OR7A10: variants seen among roughly 807,000 people sequenced by gnomAD.
The protein encoded by OR7A10 is olfactory receptor 7A10.
For synonymous variants in OR7A10, 144 were observed against 144.5 expected (o/e 1.00, Z 0.02); for missense variants, 358 against 370.1 (o/e 0.97, Z 0.27).
intron 1 of OR7A10, among the ~76,000 whole-genome samples, chr19:14,842,593 A>G (rs2044921219): frequency 6.6e-6 from 1 of 152,152 alleles, no homozygotes; most frequent in Admixed American, 6.5e-5. Flanking sequence ...TTTAGCTCCC[A>G]ATTATTAGTA....
At chr19:14,847,689 T>A (rs1490708898) in intron 1 of OR7A10, among the ~76,000 whole-genome samples, 2 of 152,048 alleles carry the variant, frequency 1.3e-5, no homozygotes, top group East Asian at 3.9e-4. Context: ...TTGTTTTTTG[T>A]ATTTTTAGTA....
chr19:14,840,568 A>G lies in OR7A10; in HGVS notation c.*380T>C, dbSNP rs139057573. 45 of 162,922 alleles carry G rather than the reference A, an allele frequency of 2.8e-4. No individual in the cohort carries two copies. The highest frequency in any genetic ancestry group is 5.4e-4 in the Non-Finnish European group (40 of 74,640). 10.1% of individuals were successfully genotyped at this position (162,922 alleles called of 1,614,324 possible). ...ATATTTGTAGGCAGCACTGGAAAAC[A>G]TTAGGCAGAAGTAGCAGAGTGATGC... On this transcript the variant is annotated 3_prime_UTR_variant, in exon 2 of 2. Coordinates refer to ENST00000641129, the MANE Select transcript of OR7A10 (RefSeq NM_001005190.2).
At position 14,841,695 on chromosome 19, in the gene OR7A10, G is replaced by A. The variant is rs1371063382; in HGVS notation, c.183C>T (p.Phe61=). ...CTACGAAGGACAGGTTGGAGAGGAA[G>A]AAGTACATGGGGGTGTGGAGGTGGG... ...SDSHLHTPMY[F]FLSNLSFVDI... is the part of the protein sequence containing the mutation. Residue 61 remains phenylalanine, a synonymous_variant, in exon 2 of 2, where the codon TTC becomes TTT. Transcript: ENST00000641129. 4 of 1,614,194 alleles carry A rather than the reference G, an allele frequency of 2.5e-6. No individual in the cohort carries two copies. The highest frequency in any genetic ancestry group is 3.4e-6 in the Non-Finnish European group (4 of 1,180,040).
intron 1 of OR7A10, among the ~76,000 whole-genome samples, chr19:14,845,236 A>G (rs907536514): frequency 3.9e-5 from 6 of 151,926 alleles, no homozygotes; most frequent in Non-Finnish European, 7.4e-5. Context: ...GCACTTTGGG[A>G]GGCTGAGGCA....
intron 1 of OR7A10, among the ~76,000 whole-genome samples, chr19:14,843,965 G>T (rs1007710845): frequency 3.9e-5 from 6 of 152,050 alleles, no homozygotes; most frequent in Non-Finnish European, 5.9e-5. Context: ...AATGCATGCG[G>T]GGCTTAAAAC....
intron 1 of OR7A10, among the ~76,000 whole-genome samples, chr19:14,844,820 AC>A (rs2044933695): frequency 6.7e-6 from 1 of 150,060 alleles, no homozygotes; most frequent in African/African-American, 2.4e-5. Context: ...CTGCTACCAC[AC>A]CCGGCTAATT....
chr19:14,842,726 A>G (rs2044921972), intron 1 of OR7A10, among the ~76,000 whole-genome samples: 1 of 152,182 alleles, frequency 6.6e-6, no homozygotes, highest in South Asian at 2.1e-4. Context: ...GTAATATTCC[A>G]TGGTATATAT....
rs374423086 is a variant in OR7A10 at position 14,842,149 on chromosome 19, T to C, written c.-12-260A>G. The stretch of plus-strand genomic sequence containing the variant: ...CAGGTAACATGTCATGGGGGTTTAG[T>C]GTATAGGTTATTTCAATACCCAGTA... On this transcript the variant is annotated intron_variant, in intron 1 of 1. Coordinates refer to ENST00000641129, the MANE Select transcript of OR7A10 (RefSeq NM_001005190.2). Among the ~76,000 whole-genome samples the C allele has an allele frequency of 1.3e-5, 2 of 152,252 alleles. 1 individual carries two copies. The highest frequency in any genetic ancestry group is 4.1e-4 in the South Asian group (2 of 4,832).
chr19:14,841,350 A>G lies in OR7A10; in HGVS notation c.528T>C (p.His176=). Residue 176 remains histidine, a synonymous_variant, in exon 2 of 2, where the codon CAT becomes CAC. Transcript: ENST00000641129. ...LPFCTHMEIP[H]FFCEINQVVH... ...CCACCTGATTAATTTCACAGAAAAA[A>G]TGAGGGATTTCCATGTGTGTACAAA... 6.2e-7 allele frequency: 1 copy of G among 1,614,196 alleles called. No individual in the cohort carries two copies. Among genetic ancestry groups the G allele is most frequent in the South Asian group, 1.1e-5 (1 of 91,078 alleles).
chr19:14,844,719 G>A (rs970832549), intron 1 of OR7A10, among the ~76,000 whole-genome samples: 4 of 131,358 alleles, frequency 3.0e-5, no homozygotes, highest in Non-Finnish European at 4.7e-5. Context: ...CTGGAGTGCA[G>A]CAGTGCGATC....
rs1021894937 is a variant in OR7A10 at position 14,845,203 on chromosome 19, G to A, written c.-13+3297C>T. ...TTAAGAAGGAATGGAGGCCAGGCAC[G>A]GTGGCTCACGCCTGTAATCCCAGCA... On this transcript the variant is annotated intron_variant, in intron 1 of 1. Transcript: ENST00000641129. Among the ~76,000 whole-genome samples the A allele has an allele frequency of 3.9e-5, 6 of 151,924 alleles. 1 individual carries two copies. Among genetic ancestry groups the A allele is most frequent in the Admixed American group, 1.3e-4 (2 of 15,252 alleles).
In OR7A10 at chr19:14,845,407, G is replaced by A. The variant is rs374222268; in HGVS notation, c.-13+3093C>T. ...GGAGGATTGCTTGAACCTGGAAGGCGGAGGCTGTGGTGAGTTGAGATTGCG... is the reference window on the plus strand; with the variant it reads ...GGAGGATTGCTTGAACCTGGAAGGCAGAGGCTGTGGTGAGTTGAGATTGCG... On this transcript the variant is annotated intron_variant, in intron 1 of 1. Transcript: ENST00000641129. Among the ~76,000 whole-genome samples, 300 of 152,154 alleles carry A rather than the reference G, an allele frequency of 2.0e-3. 1 individual carries two copies. Among genetic ancestry groups the A allele is most frequent in the African/African-American group, 6.3e-3 (260 of 41,530 alleles).
intron 1 of OR7A10, among the ~76,000 whole-genome samples, chr19:14,847,803 C>T (rs1169852353): frequency 6.6e-6 from 1 of 151,388 alleles, no homozygotes; most frequent in African/African-American, 2.4e-5. Flanking sequence ...CGTGAGCCAC[C>T]ACGCCGGACC....
At chr19:14,844,668 T>TTTGTTTTTTTTTC (rs1555697167) in intron 1 of OR7A10, among the ~76,000 whole-genome samples, 1 of 133,682 alleles carries the variant, frequency 7.5e-6, no homozygotes, top group East Asian at 2.1e-4. Context: ...TTCTGTGTTT[T>TTTGTTTTTTTTTC]TTTTTTTTTT....
chr19:14,847,858 C>T (rs2044950518), intron 1 of OR7A10, among the ~76,000 whole-genome samples: 1 of 150,488 alleles, frequency 6.6e-6, no homozygotes, highest in Non-Finnish European at 1.5e-5. Context: ...GGCCAGGTGG[C>T]TCATGCCTGT....
Position 14,841,216 on chromosome 19 carries a change from A to G in OR7A10, c.662T>C (p.Ile221Thr), listed in dbSNP as rs1304887479. The G allele has an allele frequency of 3.7e-6, 6 of 1,614,060 alleles. No homozygotes were observed. The highest frequency in any genetic ancestry group is 1.3e-5 in the African/African-American group (1 of 74,930). Residue 221 changes from isoleucine to threonine, a missense_variant, in exon 2 of 2, where the codon ATA (isoleucine) becomes ACA (threonine). By Grantham distance (89) the Ile-to-Thr change is moderately conservative. Transcript: ENST00000641129. ...TGAGATTGCACGTATGGAGGAAACT[A>G]TCTTAGAGTAAGAGTACAGGATCCC... is the stretch of plus-strand genomic sequence containing the variant. ...LTGILYSYSK[I>T]VSSIRAISSA...
intron 1 of OR7A10, among the ~76,000 whole-genome samples, chr19:14,844,194 G>A (rs2044929327): frequency 6.6e-6 from 1 of 152,278 alleles, no homozygotes; most frequent in East Asian, 1.9e-4. Flanking sequence ...GTCAGATGAC[G>A]ACAGATCCTA....
At chr19:14,842,156 G>A (rs1395375705) in intron 1 of OR7A10, among the ~76,000 whole-genome samples, 1 of 152,182 alleles carries the variant, frequency 6.6e-6, no homozygotes, top group Non-Finnish European at 1.5e-5. Context: ...TAGTGTATAG[G>A]TTATTTCAAT....
At chr19:14,843,293 A>G (rs1046910935) in intron 1 of OR7A10, among the ~76,000 whole-genome samples, 2 of 152,226 alleles carry the variant, frequency 1.3e-5, no homozygotes, top group African/African-American at 4.8e-5. Flanking sequence ...AGGACTTAAA[A>G]CATGATGTGT....
Sources: gnomAD v4.1 joint callset for allele counts (sites outside exome capture counted in the v4.1 genomes callset) on GRCh38, gnomAD v4.1.1 for gene constraint, MANE v1.5 for transcripts, NCBI Gene and HGNC (gene_info 2026-07-23, HGNC 2026-07-21) for gene names.